The following PLD5 variants were observed in gnomAD, a reference collection of about 807,000 sequenced individuals.
PLD5 encodes phospholipase D family member 5, also known as inactive phospholipase D5.
PLD5 carries 36 observed loss-of-function variants against 61.1 expected under a neutral mutation model. The observed-to-expected ratio is 0.59, with a 90% CI of 0.45 to 0.78. PLD5 has a LOEUF of 0.78. Among genes scored for constraint, PLD5 ranks in the 30% least tolerant of loss-of-function variants. The pLI, the probability that PLD5 is intolerant of heterozygous loss-of-function variation, is 0.00. For synonymous variants in PLD5, 243 were observed against 242.8 expected (o/e 1.00, Z -0.01); for missense variants, 515 against 644.4 (o/e 0.80, Z 2.17).
At chr1:242,391,034 A>G (rs1662896769) in intron 1 of PLD5, among the ~76,000 whole-genome samples, 1 of 152,122 alleles carries the variant, frequency 6.6e-6, no homozygotes, top group Admixed American at 6.5e-5. Flanking sequence ...TACTAAAAAA[A>G]AATACAAAAA....
intron 5 of PLD5, among the ~76,000 whole-genome samples, chr1:242,165,982 G>A (rs773938865): frequency 6.6e-5 from 10 of 152,180 alleles, no homozygotes; most frequent in Non-Finnish European, 1.2e-4. Context: ...GGGACGAAGC[G>A]CTGCCCCGCA....
At chr1:242,230,957 T>A (rs1416546278) in intron 4 of PLD5, among the ~76,000 whole-genome samples, 1 of 152,186 alleles carries the variant, frequency 6.6e-6, no homozygotes, top group East Asian at 1.9e-4. Flanking sequence ...AACCTTCTAG[T>A]CCAACAGTTA....
chr1:242,177,726 A>T (rs1186920117), intron 5 of PLD5: 1 of 152,160 alleles, frequency 6.6e-6, no homozygotes, highest in Non-Finnish European at 1.5e-5. Flanking sequence ...CCTCTTTCAA[A>T]AGGAGTACAG....
chr1:242,286,720 C>T (rs977445250), intron 3 of PLD5, among the ~76,000 whole-genome samples: 3 of 152,028 alleles, frequency 2.0e-5, no homozygotes, highest in African/African-American at 7.2e-5. Context: ...TGTGAAGATC[C>T]ACATGTACGA....
intron 6 of PLD5, 94 bp from the exon 7 acceptor site, chr1:242,114,120 A>T: frequency 7.1e-7 from 1 of 1,415,142 alleles, no homozygotes; most frequent in Non-Finnish European, 9.5e-7. Context: ...TTGGCTTGTA[A>T]CTATATTTTT....
At chr1:242,341,813 CAGAT>C (rs1415224748) in intron 2 of PLD5, among the ~76,000 whole-genome samples, 2 of 142,084 alleles carry the variant, frequency 1.4e-5, no homozygotes, top group Non-Finnish European at 3.1e-5. Context: ...CATAGAGATA[CAGAT>C]AGATAGACTG....
chr1:242,360,046 G>A (rs1558495714), intron 1 of PLD5, among the ~76,000 whole-genome samples: 1 of 152,156 alleles, frequency 6.6e-6, no homozygotes, highest in Non-Finnish European at 1.5e-5. Context: ...AATTGTTCTA[G>A]CTCAGTCTCA....
At chr1:242,258,854 T>G (rs1673228347) in intron 4 of PLD5, among the ~76,000 whole-genome samples, 1 of 152,216 alleles carries the variant, frequency 6.6e-6, no homozygotes, top group Admixed American at 6.5e-5. Context: ...CAACCACTGT[T>G]GCAAAAAGTG....
At chr1:242,465,579 T>C (rs985183368) in intron 1 of PLD5, among the ~76,000 whole-genome samples, 9 of 152,234 alleles carry the variant, frequency 5.9e-5, no homozygotes, top group African/African-American at 2.2e-4. Context: ...TCTACTTTTA[T>C]TCTCACACTT....
intron 1 of PLD5, among the ~76,000 whole-genome samples, chr1:242,428,844 A>C (rs1553442): frequency 0.069 from 10,584 of 152,294 alleles, 485 homozygotes; most frequent in African/African-American, 0.12. Context: ...TACTCTAGTG[A>C]AACAAATGGA....
intron 4 of PLD5, among the ~76,000 whole-genome samples, chr1:242,225,618 C>T (rs1268440197): frequency 1.3e-5 from 2 of 151,148 alleles, no homozygotes; most frequent in Non-Finnish European, 2.9e-5. Flanking sequence ...ACAGTGGTTT[C>T]TCCTTGCTGT....
At chr1:242,134,590 C>T (rs1168528781) in intron 5 of PLD5, among the ~76,000 whole-genome samples, 1 of 152,086 alleles carries the variant, frequency 6.6e-6, no homozygotes, top group Non-Finnish European at 1.5e-5. Flanking sequence ...TAGAGAAACG[C>T]TGTAAAAATG....
At chr1:242,422,111 C>A (rs956374299) in intron 1 of PLD5, among the ~76,000 whole-genome samples, 2 of 152,262 alleles carry the variant, frequency 1.3e-5, no homozygotes, top group South Asian at 4.2e-4. Flanking sequence ...TCCCTTCTTG[C>A]TAGAGACACT....
At chr1:242,519,965 T>C (rs1241858631) in intron 1 of PLD5, among the ~76,000 whole-genome samples, 1 of 152,192 alleles carries the variant, frequency 6.6e-6, no homozygotes, top group Non-Finnish European at 1.5e-5. Flanking sequence ...TTACTGTGTA[T>C]TGAGCATTTA....
At chr1:242,231,320 G>A (rs146995651) in intron 4 of PLD5, among the ~76,000 whole-genome samples, 155 of 152,338 alleles carry the variant, frequency 1.0e-3, no homozygotes, top group African/African-American at 3.6e-3. Context: ...CGAGGCATCC[G>A]TTTTGGTGCC....
chr1:242,328,454 ATG>A (rs1444863016), intron 2 of PLD5, among the ~76,000 whole-genome samples: 3 of 152,126 alleles, frequency 2.0e-5, no homozygotes, highest in African/African-American at 4.8e-5. Flanking sequence ...TGTGTTGTAC[ATG>A]TGTGTTCTAC....
chr1:242,279,099 C>T (rs573117149), intron 3 of PLD5, among the ~76,000 whole-genome samples: 14 of 152,208 alleles, frequency 9.2e-5, no homozygotes, highest in Non-Finnish European at 1.5e-4. Context: ...AGGATAAATA[C>T]GATGTGGGTC....
intron 1 of PLD5, among the ~76,000 whole-genome samples, chr1:242,422,556 T>C (rs1452344928): frequency 6.6e-6 from 1 of 152,178 alleles, no homozygotes; most frequent in East Asian, 1.9e-4. Context: ...TAGGTAATCA[T>C]GGAATTGATT....
chr1:242,407,556 G>GGTTTTTTTTTTTTTTTT (rs1553369639), intron 1 of PLD5, among the ~76,000 whole-genome samples: 1 of 105,514 alleles, frequency 9.5e-6, no homozygotes, highest in African/African-American at 4.7e-5. Context: ...TGTTGTGGTT[G>GGTTTTTTTTTTTTTTTT]TTTTGTTTTT....
Sources: allele counts gnomAD v4.1 joint callset (sites outside exome capture counted in the v4.1 genomes callset), GRCh38; gene constraint gnomAD v4.1.1; transcripts MANE v1.5; gene names NCBI Gene and HGNC (gene_info 2026-07-23, HGNC 2026-07-21).